RMDN2: variants seen among roughly 807,000 people sequenced by gnomAD.
RMDN2 encodes the protein regulator of microtubule dynamics 2, also known as regulator of microtubule dynamics protein 2.
Under a neutral mutation model 52.8 loss-of-function variants are expected in RMDN2, and 61 were observed. The observed-to-expected ratio is 1.16, with a 90% CI of 0.94 to 1.43. The LOEUF is 1.43. RMDN2 is among the 40% of genes most tolerant of loss of function. The pLI is 0.00. For missense variants in RMDN2, 592 were observed against 475.3 expected, an observed-to-expected ratio of 1.25 and a Z score of -2.28; for synonymous variants, 180 against 153.1, an observed-to-expected ratio of 1.18 and a Z score of -1.30.
At position 37,941,531 on chromosome 2, in the gene RMDN2, C is replaced by T. The variant is rs74618653; in HGVS notation, c.452+11802C>T. On this transcript the variant is annotated intron_variant, in intron 2 of 10. Transcript: ENST00000354545. ...CCCCAGTTGCTCTGTCCCAGGGAAA[C>T]TGGAGTTTTATGTGTAAGCACCAGA... Among the ~76,000 whole-genome samples, 505 of 152,338 alleles carry T rather than the reference C, an allele frequency of 3.3e-3. 4 individuals carry two copies. In the East Asian group the frequency reaches 0.036, roughly 11 times the overall value.
intron 2 of RMDN2, among the ~76,000 whole-genome samples, chr2:37,955,179 C>G (rs903263907): frequency 1.3e-5 from 2 of 151,992 alleles, no homozygotes; most frequent in Non-Finnish European, 2.9e-5. Context: ...AATTTGGATG[C>G]CTTTATTTCG....
At chr2:37,940,529 C>G (rs1667697361) in intron 2 of RMDN2, among the ~76,000 whole-genome samples, 1 of 152,186 alleles carries the variant, frequency 6.6e-6, no homozygotes, top group Non-Finnish European at 1.5e-5. Context: ...CAAACAAACA[C>G]AGGTTTGGTC....
intron 2 of RMDN2, among the ~76,000 whole-genome samples, chr2:37,967,449 T>C (rs570181159): frequency 7.9e-5 from 12 of 152,290 alleles, no homozygotes; most frequent in Non-Finnish European, 1.3e-4. Context: ...ATCAAAGCAA[T>C]GGCGCCCAAG....
chr2:37,997,396 A>T lies in RMDN2; in HGVS notation c.946-20A>T, dbSNP rs1558528550. The T allele has an allele frequency of 6.6e-7, 1 of 1,512,878 alleles. No individual in the cohort carries two copies. The highest frequency in any genetic ancestry group is 1.4e-5 in the African/African-American group (1 of 72,936). The allele number at this position is 1,512,878 out of a possible 1,614,324, so 93.7% of individuals were successfully genotyped here. A position where few individuals can be genotyped will look rare whatever the true frequency, so the allele number is the denominator to read the frequency against. ...AAAGGTGAACAACTTTCTAAGAGTG[A>T]TGTTGTTGTGTATTTGCAGGTCTCA... is the stretch of plus-strand genomic sequence containing the variant. On this transcript the variant is annotated intron_variant, in intron 7 of 10. Coordinates refer to ENST00000354545, the MANE Select transcript of RMDN2 (RefSeq NM_001170791.3).
downstream of RMDN2, among the ~76,000 whole-genome samples, chr2:38,021,952 T>G (rs989570812): frequency 9.2e-5 from 14 of 152,226 alleles, no homozygotes; most frequent in African/African-American, 3.1e-4. Flanking sequence ...ACATAGGATA[T>G]TTTGTCAATT....
intron 7 of RMDN2, among the ~76,000 whole-genome samples, chr2:37,993,949 T>C (rs1446836404): frequency 6.6e-6 from 1 of 152,146 alleles, no homozygotes; most frequent in Non-Finnish European, 1.5e-5. Context: ...CTGTCTAGAC[T>C]TAAAAGCTCA....
At chr2:37,947,978 C>G (rs1054318736) in intron 2 of RMDN2, among the ~76,000 whole-genome samples, 3 of 152,148 alleles carry the variant, frequency 2.0e-5, no homozygotes, top group African/African-American at 7.2e-5. Flanking sequence ...GTATTGTTCA[C>G]TGTCTTTTCT....
intron 10 of RMDN2, among the ~76,000 whole-genome samples, chr2:38,012,068 C>T (rs1304941529): frequency 1.3e-5 from 2 of 152,154 alleles, no homozygotes; most frequent in African/African-American, 2.4e-5. Flanking sequence ...GACCCAGCTC[C>T]TACCAATCTC....
chr2:37,978,180 C>T (rs1181718478), intron 4 of RMDN2, among the ~76,000 whole-genome samples: 2 of 152,012 alleles, frequency 1.3e-5, no homozygotes, highest in Non-Finnish European at 1.5e-5. Flanking sequence ...ACCAGTCAGG[C>T]GTGGTGATGC....
intron 10 of RMDN2, among the ~76,000 whole-genome samples, chr2:38,041,427 G>GGTTTTT (rs376036805): frequency 8.3e-6 from 1 of 120,092 alleles, no homozygotes; most frequent in South Asian, 2.8e-4. Context: ...TTTTTTATTG[G>GGTTTTT]TTTTTTTTTT....
chr2:38,002,386 C>T (rs1676437836), intron 8 of RMDN2, among the ~76,000 whole-genome samples: 2 of 152,200 alleles, frequency 1.3e-5, no homozygotes, highest in South Asian at 2.1e-4. Context: ...TGCTTCCTTT[C>T]ATTATGATTC....
At chr2:37,929,159 C>G in intron 1 of RMDN2, 103 bp from the exon 2 acceptor site, 1 of 664,952 alleles carries the variant, frequency 1.5e-6, no homozygotes, top group Non-Finnish European at 2.6e-6. Flanking sequence ...TTTGTAAATC[C>G]TGTGATGTAA....
At chr2:38,060,119 T>TTTTATTTTATTTTATTTTA (rs1412485858) in intron 10 of RMDN2, among the ~76,000 whole-genome samples, 16 of 132,488 alleles carry the variant, frequency 1.2e-4, no homozygotes, top group African/African-American at 5.5e-4. Flanking sequence ...TTTTATTTTA[T>TTTTATTTTATTTTATTTTA]TTTTTTTAGT....
At chr2:38,037,790 C>T (rs1279136469) in intron 10 of RMDN2, among the ~76,000 whole-genome samples, 1 of 152,208 alleles carries the variant, frequency 6.6e-6, no homozygotes, top group Non-Finnish European at 1.5e-5. Flanking sequence ...GCTTTATGCA[C>T]TTTGGCTCTT....
intron 10 of RMDN2, among the ~76,000 whole-genome samples, chr2:38,025,100 A>G (rs565550014): frequency 7.9e-5 from 12 of 152,266 alleles, no homozygotes; most frequent in African/African-American, 2.6e-4. Flanking sequence ...ACATTGATCA[A>G]TTTCAATTGA....
chr2:38,016,883 C>T (rs1678865893), intron 10 of RMDN2, among the ~76,000 whole-genome samples: 1 of 151,478 alleles, frequency 6.6e-6, no homozygotes, highest in African/African-American at 2.4e-5. Flanking sequence ...ATGAAATAAA[C>T]ATGATAAACC....
chr2:38,036,081 G>A (rs903420001), intron 10 of RMDN2: 12 of 152,122 alleles, frequency 7.9e-5, no homozygotes, highest in Non-Finnish European at 1.6e-4. Context: ...ATACTCATGG[G>A]AACCCTGCTG....
intron 5 of RMDN2, among the ~76,000 whole-genome samples, chr2:37,988,751 A>G (rs1385436331): frequency 6.6e-6 from 1 of 152,240 alleles, no homozygotes; most frequent in African/African-American, 2.4e-5. Context: ...ACACTCTGAA[A>G]TACTTCAAAG....
At chr2:37,955,081 G>A (rs72887123) in intron 2 of RMDN2, among the ~76,000 whole-genome samples, 6,450 of 152,022 alleles carry the variant, frequency 0.042, 153 homozygotes, top group South Asian at 0.072. Flanking sequence ...TTCTTATTTT[G>A]TGTATGTGTG....
Sources: gnomAD v4.1 joint callset for allele counts (sites outside exome capture counted in the v4.1 genomes callset) on GRCh38, gnomAD v4.1.1 for gene constraint, MANE v1.5 for transcripts, NCBI Gene and HGNC (gene_info 2026-07-23, HGNC 2026-07-21) for gene names.